PRUNE2: variants seen among roughly 807,000 people sequenced by gnomAD.
PRUNE2 encodes the protein protein prune homolog 2.
A neutral mutation model predicts 252.0 loss-of-function variants in PRUNE2; 164 were observed. The ratio of observed to expected loss-of-function variants is 0.65; its 90% CI spans 0.57 to 0.74. The LOEUF is 0.74. Ranked by LOEUF, PRUNE2 falls within the 30% of genes least tolerant of loss-of-function variation. The probability of loss-of-function intolerance (pLI) is 0.00; values close to 1 mark genes in which losing one functional copy is unlikely to be tolerated. For synonymous variants in PRUNE2, 1,292 were observed against 1,350.2 expected (o/e 0.96, Z 0.94); for missense variants, 3,495 against 3,711.0 (o/e 0.94, Z 1.51).
chr9:76,614,081 G>T lies in PRUNE2; in HGVS notation c.*489C>A, dbSNP rs1828299610. The T allele has an allele frequency of 6.5e-6, 1 of 153,802 alleles. No homozygotes were observed. The highest frequency in any genetic ancestry group is 1.4e-5 in the Non-Finnish European group (1 of 69,230). The allele number at this position is 153,802 out of a possible 1,614,324, so 9.5% of individuals were successfully genotyped here. The stretch of plus-strand genomic sequence containing the variant: ...TGATGATGGTTTTACACCTTGTGTG[G>T]TTTGTGGCTGTCCTAGTCAGGCTTA... On this transcript the variant is annotated 3_prime_UTR_variant, in exon 19 of 19. Coordinates refer to ENST00000376718, the MANE Select transcript of PRUNE2 (RefSeq NM_015225.3).
At chr9:76,894,731 A>AAAAAAAAAAAAAAAAAAC in intron 1 of PRUNE2, among the ~76,000 whole-genome samples, 1 of 151,626 alleles carries the variant, frequency 6.6e-6, no homozygotes. Context: ...AAAAAAAAAA[A>AAAAAAAAAAAAAAAAAAC]AGGACCAGCC....
intron 6 of PRUNE2, among the ~76,000 whole-genome samples, chr9:76,727,710 CTTTTTTT>C (rs373565657): frequency 1.4e-4 from 6 of 42,908 alleles, no homozygotes; most frequent in African/African-American, 2.0e-4. Context: ...GTAAACAGGG[CTTTTTTT>C]TTTTTTTTTT....
rs754473099 is a variant in PRUNE2, at chr9:76,707,814, C to T, written c.4460G>A (p.Arg1487Gln). ...VGGGPPHRVP[R>Q]SLDFGDVPID... ...AGGGACGTCCCCAAAATCAAGACTTCGGGGAACTCTGTGAGGTGGCCCTCC... is the reference window on the plus strand; with the variant it reads ...AGGGACGTCCCCAAAATCAAGACTTTGGGGAACTCTGTGAGGTGGCCCTCC... The change falls in exon 8 of 19, where the codon CGA (arginine) becomes CAA (glutamine). Residue 1487 changes from arginine to glutamine, a missense_variant. Physicochemically the swap from Arg to Gln is conservative, Grantham distance 43. Coordinates refer to ENST00000376718, the MANE Select transcript of PRUNE2 (RefSeq NM_015225.3). 14 of 1,613,160 alleles carry T rather than the reference C, an allele frequency of 8.7e-6. No individual in the cohort carries two copies. The highest frequency in any genetic ancestry group is 4.5e-5 in the East Asian group (2 of 44,880).
intron 1 of PRUNE2, among the ~76,000 whole-genome samples, chr9:76,887,292 A>T (rs115814214): frequency 6.6e-6 from 1 of 151,896 alleles, no homozygotes; most frequent in Admixed American, 6.6e-5. Flanking sequence ...GCTACTGGAG[A>T]TTTTCATTAA....
At chr9:76,877,474 CAG>C (rs2061538679) in intron 1 of PRUNE2, among the ~76,000 whole-genome samples, 1 of 151,864 alleles carries the variant, frequency 6.6e-6, no homozygotes, top group East Asian at 1.9e-4. Flanking sequence ...GCCTGGGTGA[CAG>C]AGTGAGACCC....
At chr9:76,715,233 T>TA (rs2047048827) in intron 6 of PRUNE2, among the ~76,000 whole-genome samples, 4 of 152,188 alleles carry the variant, frequency 2.6e-5, no homozygotes, top group African/African-American at 9.7e-5. Flanking sequence ...TTGAAACTCG[T>TA]GGATTGGGTA....
At chr9:76,619,308 C>A in intron 18 of PRUNE2, 32 bp downstream of exon 18, 1 of 1,467,418 alleles carries the variant, frequency 6.8e-7, no homozygotes, top group Non-Finnish European at 9.5e-7. Flanking sequence ...CTACAAGTAA[C>A]CACATAGCTG....
At chr9:76,826,882 C>G (rs2058375017) in intron 4 of PRUNE2, 150 bp from the exon 5 acceptor site, 3 of 583,160 alleles carry the variant, frequency 5.1e-6, no homozygotes, top group Non-Finnish European at 8.8e-6. Context: ...CATTCAAGAG[C>G]CAATTTTTAG....
rs572777355 is a variant in PRUNE2, at chr9:76,651,356, T to C, written c.8557+1127A>G. On this transcript the variant is annotated intron_variant, in intron 11 of 18. Transcript: ENST00000376718. ...TCATGTCGGCTCAATGACCATTGGT[T>C]GAAATAATTAGCTAATTTGGTGAAT... is the stretch of plus-strand genomic sequence containing the variant. 3.9e-5 allele frequency among the ~76,000 whole-genome samples: 6 copies of C among 152,362 alleles called. No homozygotes were observed. The South Asian group carries it at 1.2e-3, about 32-fold the overall frequency.
intron 6 of PRUNE2, among the ~76,000 whole-genome samples, chr9:76,754,795 T>A (rs1036870182): frequency 1.3e-4 from 20 of 151,784 alleles, no homozygotes; most frequent in African/African-American, 4.6e-4. Context: ...TGAAACCCTG[T>A]CTCTACTAAA....
intron 6 of PRUNE2, among the ~76,000 whole-genome samples, chr9:76,806,813 C>T (rs867002282): frequency 3.3e-5 from 5 of 151,788 alleles, no homozygotes; most frequent in East Asian, 1.9e-4. Flanking sequence ...CCACCGCACC[C>T]GGCCTCAGGC....
intron 9 of PRUNE2, among the ~76,000 whole-genome samples, chr9:76,688,152 C>T (rs1297697561): frequency 1.3e-5 from 2 of 152,144 alleles, no homozygotes; most frequent in East Asian, 3.9e-4. Flanking sequence ...AGCAACTGCC[C>T]AGGAAGTAAG....
Position 76,705,007 on chromosome 9 carries a change from C to T in PRUNE2, c.7267G>A (p.Gly2423Arg), listed in dbSNP as rs754663757. Reference protein sequence around the residue: ...EAGSPEDESLGCRAAEIVLSA... With the variant: ...EAGSPEDESLRCRAAEIVLSA... ...AGCACTATCTCTGCTGCTCTGCATC[C>T]CAGAGATTCATCCTCTGGAGACCCA... Residue 2423 changes from glycine (G) to arginine (R), a missense_variant, in exon 8 of 19, where the codon GGA becomes AGA. Coordinates refer to ENST00000376718, the MANE Select transcript of PRUNE2 (RefSeq NM_015225.3). 6.2e-7 allele frequency: 1 copy of T among 1,613,850 alleles called. No individual in the cohort carries two copies. Among genetic ancestry groups the T allele is most frequent in the Non-Finnish European group, 8.5e-7 (1 of 1,179,814 alleles).
chr9:76,858,371 A>G (rs889765041), intron 1 of PRUNE2, among the ~76,000 whole-genome samples: 10 of 152,178 alleles, frequency 6.6e-5, no homozygotes, highest in African/African-American at 2.2e-4. Flanking sequence ...ATGCCCATCA[A>G]TGATCAACTG....
intron 4 of PRUNE2, among the ~76,000 whole-genome samples, chr9:76,837,462 T>TAATAA (rs1243425046): frequency 1.2e-5 from 1 of 85,026 alleles, no homozygotes; most frequent in Non-Finnish European, 2.3e-5. Flanking sequence ...ATAATAATAA[T>TAATAA]AATAATAATA....
At chr9:76,712,580 A>G (rs1465229672) in intron 7 of PRUNE2, among the ~76,000 whole-genome samples, 1 of 152,192 alleles carries the variant, frequency 6.6e-6, no homozygotes, top group Non-Finnish European at 1.5e-5. Flanking sequence ...TTTCCAATGA[A>G]CCAATTTTCA....
chr9:76,643,408 C>G (rs534791131), intron 12 of PRUNE2, among the ~76,000 whole-genome samples: 3 of 152,028 alleles, frequency 2.0e-5, no homozygotes, highest in Non-Finnish European at 4.4e-5. Flanking sequence ...GAAAACAAAC[C>G]AAAAATATCT....
At chr9:76,719,959 C>T (rs1484175305) in intron 6 of PRUNE2, among the ~76,000 whole-genome samples, 1 of 152,134 alleles carries the variant, frequency 6.6e-6, no homozygotes, top group Non-Finnish European at 1.5e-5. Context: ...GAAATATATC[C>T]TAACGAAATA....
At chr9:76,831,078 C>T (rs1285530742) in intron 4 of PRUNE2, among the ~76,000 whole-genome samples, 5 of 151,894 alleles carry the variant, frequency 3.3e-5, no homozygotes, top group African/African-American at 9.7e-5. Context: ...TACAGGCACC[C>T]GCCACCACGC....
Sources: allele counts gnomAD v4.1 joint callset (sites outside exome capture counted in the v4.1 genomes callset), GRCh38; gene constraint gnomAD v4.1.1; transcripts MANE v1.5; gene names NCBI Gene and HGNC (gene_info 2026-07-23, HGNC 2026-07-21).